The following CCDC85A variants were observed in gnomAD, a reference collection of about 807,000 sequenced individuals.
CCDC85A encodes coiled-coil domain-containing protein 85A.
In CCDC85A, 38 loss-of-function variants were observed where a neutral mutation model predicts 50.2. That is an observed-to-expected ratio of 0.76 (90% CI 0.58 to 0.99). The LOEUF (loss-of-function observed/expected upper bound fraction) is 0.99. Ranked by LOEUF, CCDC85A falls within the 50% of genes least tolerant of loss-of-function variation. CCDC85A has a pLI of 0.00. For synonymous variants in CCDC85A, 366 were observed against 301.4 expected (o/e 1.21, Z -2.22); for missense variants, 820 against 742.0 (o/e 1.11, Z -1.22).
At chr2:56,327,110 A>G (rs1237610161) in intron 2 of CCDC85A, among the ~76,000 whole-genome samples, 1 of 152,148 alleles carries the variant, frequency 6.6e-6, no homozygotes, top group Non-Finnish European at 1.5e-5. Context: ...GATATTCCAC[A>G]AATGTTTGTG....
chr2:56,299,323 T>C (rs914407807), intron 2 of CCDC85A, among the ~76,000 whole-genome samples: 2 of 152,210 alleles, frequency 1.3e-5, no homozygotes, highest in African/African-American at 4.8e-5. Context: ...GCCTTGGCTG[T>C]ACTAAGTTTA....
At chr2:56,351,962 C>G (rs1321743791) in intron 3 of CCDC85A, among the ~76,000 whole-genome samples, 1 of 152,090 alleles carries the variant, frequency 6.6e-6, no homozygotes, top group African/African-American at 2.4e-5. Context: ...CCTAGGTTTT[C>G]TTCTAGGGTT....
intron 2 of CCDC85A, among the ~76,000 whole-genome samples, chr2:56,246,547 A>G (rs1174213875): frequency 6.6e-6 from 1 of 152,108 alleles, no homozygotes; most frequent in East Asian, 1.9e-4. Context: ...ACTTTTGTAT[A>G]TGGTATGAGG....
intron 2 of CCDC85A, among the ~76,000 whole-genome samples, chr2:56,271,292 G>A (rs1670685277): frequency 6.6e-6 from 1 of 152,126 alleles, no homozygotes; most frequent in Non-Finnish European, 1.5e-5. Context: ...GGGCAGGGTT[G>A]GTATATAGCA....
intron 2 of CCDC85A, among the ~76,000 whole-genome samples, chr2:56,303,169 T>A (rs1672284697): frequency 6.6e-6 from 1 of 152,230 alleles, no homozygotes; most frequent in Admixed American, 6.6e-5. Context: ...TTGACTTTTT[T>A]GTCTATGTGC....
chr2:56,334,677 A>G (rs994955452), intron 2 of CCDC85A, among the ~76,000 whole-genome samples: 6 of 152,224 alleles, frequency 3.9e-5, no homozygotes, highest in Non-Finnish European at 8.8e-5. Context: ...AGAGCACATT[A>G]TGGTACAAAG....
intron 5 of CCDC85A, among the ~76,000 whole-genome samples, chr2:56,382,055 A>C (rs374764594): frequency 1.3e-5 from 2 of 151,998 alleles, no homozygotes; most frequent in African/African-American, 4.8e-5. Context: ...AACAAACCCA[A>C]ATCTGATTCT....
chr2:56,365,945 T>C (rs549901344), intron 3 of CCDC85A, among the ~76,000 whole-genome samples: 5 of 152,172 alleles, frequency 3.3e-5, no homozygotes, highest in African/African-American at 9.6e-5. Context: ...TAACCACCTT[T>C]CTCCTCTCTA....
intron 2 of CCDC85A, among the ~76,000 whole-genome samples, chr2:56,223,148 A>G (rs368111938): frequency 4.4e-4 from 67 of 152,302 alleles, no homozygotes; most frequent in African/African-American, 1.5e-3. Flanking sequence ...AATATAAACT[A>G]TTTAATGAGG....
At chr2:56,207,720 T>A (rs1677014044) in intron 2 of CCDC85A, among the ~76,000 whole-genome samples, 1 of 152,156 alleles carries the variant, frequency 6.6e-6, no homozygotes, top group Non-Finnish European at 1.5e-5. Context: ...CTGTTCTTTA[T>A]TTCATCATGC....
At chr2:56,363,104 C>T (rs1265350753) in intron 3 of CCDC85A, among the ~76,000 whole-genome samples, 2 of 152,094 alleles carry the variant, frequency 1.3e-5, no homozygotes, top group African/African-American at 2.4e-5. Context: ...TGTTTTCCAT[C>T]GTATTTTTTT....
rs139824195 is a variant in CCDC85A, at chr2:56,356,088, C to G, written c.1317+13133C>G. Among the ~76,000 whole-genome samples, 64 of 152,228 alleles carry G rather than the reference C, an allele frequency of 4.2e-4. 1 individual carries two copies. Among genetic ancestry groups the G allele is most frequent in the African/African-American group, 1.3e-3 (55 of 41,542 alleles). On this transcript the variant is annotated intron_variant, in intron 3 of 5. Coordinates refer to ENST00000407595, the MANE Select transcript of CCDC85A (RefSeq NM_001080433.2). ...TGATGAAATTTAATATCTATAACTA[C>G]AGAAATCTCATAAGAGGAAAAGATA... is the stretch of plus-strand genomic sequence containing the variant.
intron 2 of CCDC85A, among the ~76,000 whole-genome samples, chr2:56,291,771 G>A (rs1671718148): frequency 1.1e-5 from 1 of 92,704 alleles, no homozygotes; most frequent in African/African-American, 4.5e-5. Context: ...AAAATGGGAA[G>A]GCTTTTTTTT....
rs1553417144 is a variant in CCDC85A at position 56,358,969 on chromosome 2, T to TTGTA, written c.1318-13374_1318-13373insGTAT. 9.6e-5 allele frequency among the ~76,000 whole-genome samples: 14 copies of TTGTA among 146,042 alleles called. No individual in the cohort carries two copies. The South Asian group carries it at 2.8e-3, about 29-fold the overall frequency. On this transcript the variant is annotated intron_variant, in intron 3 of 5. Transcript: ENST00000407595. Reference sequence around the variant, plus strand: ...CCGGCTAATTTTTTTGTATTTTTTTTTTTTTTTTTTTTTTAGTAGAGATGG... The same window carrying TTGTA: ...CCGGCTAATTTTTTTGTATTTTTTTTTGTATTTTTTTTTTTTTTAGTAGAGATGG...
intron 2 of CCDC85A, among the ~76,000 whole-genome samples, chr2:56,270,714 C>T (rs146147712): frequency 2.0e-3 from 308 of 152,192 alleles, no homozygotes; most frequent in African/African-American, 7.2e-3. Flanking sequence ...TTTGGCTTTG[C>T]GTGTGCAGTT....
intron 2 of CCDC85A, among the ~76,000 whole-genome samples, chr2:56,217,951 A>C (rs1388746747): frequency 6.6e-6 from 1 of 151,810 alleles, no homozygotes; most frequent in Non-Finnish European, 1.5e-5. Context: ...GATCATAGGG[A>C]AGTCAGTTTA....
At chr2:56,216,831 C>T (rs1469744510) in intron 2 of CCDC85A, among the ~76,000 whole-genome samples, 2 of 148,346 alleles carry the variant, frequency 1.3e-5, no homozygotes, top group Non-Finnish European at 3.0e-5. Context: ...GAAATTTTTT[C>T]CTGTTTCATT....
At chr2:56,232,245 G>A (rs1484917192) in intron 2 of CCDC85A, among the ~76,000 whole-genome samples, 10 of 152,096 alleles carry the variant, frequency 6.6e-5, no homozygotes, top group Non-Finnish European at 1.5e-4. Context: ...CATCTGAAAT[G>A]TAACATGCCC....
At chr2:56,238,322 C>G (rs1353104850) in intron 2 of CCDC85A, among the ~76,000 whole-genome samples, 2 of 151,214 alleles carry the variant, frequency 1.3e-5, no homozygotes, top group African/African-American at 4.9e-5. Flanking sequence ...GAGCCTGAGG[C>G]AGGAGAATCA....
Sources: gnomAD v4.1 joint callset for allele counts (sites outside exome capture counted in the v4.1 genomes callset) on GRCh38, gnomAD v4.1.1 for gene constraint, MANE v1.5 for transcripts, NCBI Gene and HGNC (gene_info 2026-07-23, HGNC 2026-07-21) for gene names.